The following PI4KB variants were observed in gnomAD, a reference collection of about 807,000 sequenced individuals.
The protein encoded by PI4KB is PtdIns 4-kinase beta.
A neutral mutation model predicts 81.4 loss-of-function variants in PI4KB; 23 were observed. The ratio of observed to expected loss-of-function variants is 0.28; its 90% CI spans 0.20 to 0.40. The LOEUF is 0.40. Among genes scored for constraint, PI4KB ranks in the 10% least tolerant of loss-of-function variants. The pLI is 1.00. For synonymous variants in PI4KB, 381 were observed against 406.8 expected, an observed-to-expected ratio of 0.94 and a Z score of 0.76; for missense variants, 651 against 1,036.6, an observed-to-expected ratio of 0.63 and a Z score of 5.11.
Position 151,315,774 on chromosome 1 carries a change from T to C in PI4KB, c.708A>G (p.Leu236=), listed in dbSNP as rs185699586. 351 of 1,613,094 alleles carry C rather than the reference T, an allele frequency of 2.2e-4. 4 individuals are homozygous for C. The East Asian group carries it at 7.6e-3, about 35-fold the overall frequency. ...STQRHSRGTK[L]RKLILSDELK... ...GCTCATCTGAGAGGATCAGCTTCCG[T>C]AGCTTGGTCCCACGGGAGTGTCGTT... is the stretch of plus-strand genomic sequence containing the variant. Residue 236 remains leucine, a synonymous_variant, in exon 2 of 12, where the codon CTA becomes CTG. Transcript: ENST00000368873.
chr1:151,303,549 C>T lies in PI4KB; in HGVS notation c.1512G>A (p.Gly504=), dbSNP rs756895316. 6 of 1,605,226 alleles carry T rather than the reference C, an allele frequency of 3.7e-6. No homozygotes were observed. Among genetic ancestry groups the T allele is most frequent in the Admixed American group, 1.7e-5 (1 of 60,008 alleles). ...ATGTGATCTGGCCATACCGGATGTC[C>T]CCTGCTGCAATGAACACAGGCTCCT... ...ESKEPVFIAA[G]DIRRRLSEQL... Residue 504 remains glycine, a synonymous_variant, in exon 6 of 12, where the codon GGG becomes GGA. Coordinates refer to ENST00000368873, the MANE Select transcript of PI4KB (RefSeq NM_001369623.2).
intron 8 of PI4KB, 60 bp downstream of exon 8, chr1:151,301,784 G>A (rs1245275706): frequency 1.4e-5 from 21 of 1,532,434 alleles, no homozygotes; most frequent in South Asian, 1.0e-4. Flanking sequence ...CACCCGCCTC[G>A]GCCTCCCAGA....
At chr1:151,294,637 AGGG>A (rs1045477409) in intron 9 of PI4KB, 96 bp from the exon 10 acceptor site, 1 of 1,196,000 alleles carries the variant, frequency 8.4e-7, no homozygotes, top group African/African-American at 1.5e-5. Context: ...GACACCAGGG[AGGG>A]GGGTCCCCTG....
At chr1:151,313,565 T>C (rs1185704040) in intron 2 of PI4KB, among the ~76,000 whole-genome samples, 2 of 152,230 alleles carry the variant, frequency 1.3e-5, no homozygotes, top group African/African-American at 4.8e-5. Context: ...GCTCACCCTC[T>C]GCTACAGGTT....
Position 151,292,833 on chromosome 1 carries a change from T to A in PI4KB, c.*19A>T. The A allele has an allele frequency of 6.2e-7, 1 of 1,612,566 alleles. No individual in the cohort carries two copies. Among genetic ancestry groups the A allele is most frequent in the East Asian group, 2.2e-5 (1 of 44,856 alleles). ...GAGGGTGCCCTGGACCCCCCACCAC[T>A]CCTGGGCTGAGGAGCGTGTCACATG... On this transcript the variant is annotated 3_prime_UTR_variant, in exon 12 of 12. Transcript: ENST00000368873.
At chr1:151,301,660 G>A (rs1695296495) in intron 8 of PI4KB, among the ~76,000 whole-genome samples, 184 bp downstream of exon 8, 1 of 152,174 alleles carries the variant, frequency 6.6e-6, no homozygotes, top group African/African-American at 2.4e-5. Flanking sequence ...GCCTCCCAAA[G>A]TGCTGGGATT....
intron 5 of PI4KB, among the ~76,000 whole-genome samples, chr1:151,304,147 C>T (rs763481516): frequency 6.6e-6 from 1 of 152,196 alleles, no homozygotes; most frequent in Non-Finnish European, 1.5e-5. Flanking sequence ...GAATATTCTA[C>T]CAGACCCCAA....
At chr1:151,311,175 G>A (rs967552198) in intron 2 of PI4KB, among the ~76,000 whole-genome samples, 66 of 152,086 alleles carry the variant, frequency 4.3e-4, no homozygotes, top group African/African-American at 1.5e-3. Context: ...CAACACTCAT[G>A]CACAGGGCTC....
At chr1:151,300,251 A>G (rs1695148843) in intron 8 of PI4KB, among the ~76,000 whole-genome samples, 1 of 152,238 alleles carries the variant, frequency 6.6e-6, no homozygotes, top group South Asian at 2.1e-4. Context: ...ACACTAGGAA[A>G]AGGTGGGTCA....
intron 9 of PI4KB, among the ~76,000 whole-genome samples, chr1:151,297,440 C>G (rs1433544340): frequency 6.8e-6 from 1 of 148,036 alleles, no homozygotes; most frequent in East Asian, 2.0e-4. Context: ...CTCCTGGGTT[C>G]AAGCAATTCT....
intron 1 of PI4KB, among the ~76,000 whole-genome samples, chr1:151,319,203 T>C (rs1352113989): frequency 2.6e-5 from 4 of 152,014 alleles, no homozygotes; most frequent in Non-Finnish European, 5.9e-5. Flanking sequence ...CCGGGCACAG[T>C]GACTCATGCC....
At chr1:151,303,734 C>G (rs1028119265) in intron 5 of PI4KB, 84 bp from the exon 6 acceptor site, 2 of 863,912 alleles carry the variant, frequency 2.3e-6, no homozygotes, top group African/African-American at 3.3e-5. Context: ...ATCACTGCAG[C>G]ATGCTCATCC....
At chr1:151,304,349 T>G (rs1042163246) in intron 5 of PI4KB, among the ~76,000 whole-genome samples, 8 of 151,392 alleles carry the variant, frequency 5.3e-5, no homozygotes, top group Non-Finnish European at 7.4e-5. Flanking sequence ...GTGTGTTTTT[T>G]TTTTTTTTTT....
At position 151,304,196 on chromosome 1, in the gene PI4KB, A is replaced by T. The variant is rs76340881; in HGVS notation, c.1411-546T>A. On this transcript the variant is annotated intron_variant, in intron 5 of 11. Coordinates refer to ENST00000368873, the MANE Select transcript of PI4KB (RefSeq NM_001369623.2). The stretch of plus-strand genomic sequence containing the variant: ...TCTCTTCTGTCCTTCATACCAGAGC[A>T]TTTCTTCTCAACTCCATTTGTCACC... 4.8e-3 allele frequency among the ~76,000 whole-genome samples: 731 copies of T among 152,154 alleles called. 8 individuals carry two copies. Among genetic ancestry groups the T allele is most frequent in the African/African-American group, 0.016 (680 of 41,526 alleles).
intron 3 of PI4KB, 28 bp downstream of exon 3, chr1:151,310,183 C>CA (rs1460170338): frequency 6.3e-7 from 1 of 1,575,764 alleles, no homozygotes; most frequent in East Asian, 2.3e-5. Context: ...GGGAGCCTGC[C>CA]ACCCCGTCCC....
rs781449454 is a variant in PI4KB at position 151,298,966 on chromosome 1, G to A, written c.1857C>T (p.Ile619=). The change falls in exon 9 of 12, where the codon ATC becomes ATT. Residue 619 remains isoleucine (I), a synonymous_variant. Transcript: ENST00000368873. ...GCTGTGACTGTTTCTTCACCTGATGGATGGACACAGCATTGACCACTGGTT... is the reference window on the plus strand; with the variant it reads ...GCTGTGACTGTTTCTTCACCTGATGAATGGACACAGCATTGACCACTGGTT... ...MIEPVVNAVS[I]HQVKKQSQLS... is the part of the protein sequence containing the mutation. 18 of 1,614,128 alleles carry A rather than the reference G, an allele frequency of 1.1e-5. No individual in the cohort carries two copies. The highest frequency in any genetic ancestry group is 1.5e-5 in the Non-Finnish European group (18 of 1,179,982).
intron 1 of PI4KB, among the ~76,000 whole-genome samples, chr1:151,325,167 A>G (rs985166830): frequency 2.6e-5 from 4 of 151,704 alleles, no homozygotes; most frequent in Admixed American, 2.6e-4. Flanking sequence ...AATTTTTTGT[A>G]TTTTTAGTAG....
At position 151,316,712 on chromosome 1, in the gene PI4KB, C is replaced by T. The variant is rs139679458; in HGVS notation, c.-28-203G>A. ...TACCTCCACTTCTGATTACATTACT[C>T]GTCATTCCTCCTGTAGTTACTCAGC... is the stretch of plus-strand genomic sequence containing the variant. On this transcript the variant is annotated intron_variant, in intron 1 of 11. Transcript: ENST00000368873. Among the ~76,000 whole-genome samples the T allele has an allele frequency of 2.2e-4, 33 of 152,344 alleles. 1 individual carries two copies. The East Asian group carries it at 4.6e-3, about 21-fold the overall frequency.
rs1229013136 is a variant in PI4KB, at chr1:151,293,998, T to C, written c.2269+20A>G. 6.2e-7 allele frequency: 1 copy of C among 1,613,862 alleles called. No individual in the cohort carries two copies. The highest frequency in any genetic ancestry group is 8.5e-7 in the Non-Finnish European group (1 of 1,179,832). On this transcript the variant is annotated intron_variant, in intron 11 of 11. Transcript: ENST00000368873. ...GGGAAGCCTGAGGCACTATAGCACC[T>C]GACCTCACCCCAGCCCCACCTTGCT...
Sources: gnomAD v4.1 joint callset for allele counts (sites outside exome capture counted in the v4.1 genomes callset) on GRCh38, gnomAD v4.1.1 for gene constraint, MANE v1.5 for transcripts, NCBI Gene and HGNC (gene_info 2026-07-23, HGNC 2026-07-21) for gene names.